The following HEXB variants were observed in gnomAD, a reference collection of about 807,000 sequenced individuals.
HEXB encodes the protein hexosaminidase subunit beta.
In HEXB, 51 loss-of-function variants were observed where a neutral mutation model predicts 71.2. The ratio of observed to expected loss-of-function variants is 0.72; its 90% confidence interval spans 0.57 to 0.90. The LOEUF (loss-of-function observed/expected upper bound fraction) is 0.90, where lower values mean the gene tolerates loss of function less well. Among genes scored for constraint, HEXB ranks in the 40% least tolerant of loss-of-function variants. The pLI is 0.00. For missense variants in HEXB, 617 were observed against 677.0 expected, an observed-to-expected ratio of 0.91 and a Z score of 0.98; for synonymous variants, 266 against 249.3, an observed-to-expected ratio of 1.07 and a Z score of -0.63.
At chr5:74,650,800 C>G (rs1414384578) in intron 1 of HEXB, among the ~76,000 whole-genome samples, 1 of 151,380 alleles carries the variant, frequency 6.6e-6, no homozygotes, top group Non-Finnish European at 1.5e-5. Context: ...GTGGTGGGCA[C>G]CTGTAGTCCC....
chr5:74,682,606 T>C (rs937246294), upstream of HEXB, among the ~76,000 whole-genome samples: 2 of 152,212 alleles, frequency 1.3e-5, no homozygotes, highest in Non-Finnish European at 2.9e-5. Flanking sequence ...CAATGTGAAG[T>C]TGTAATTAAG....
At chr5:74,690,121 C>A (rs1748964100) in intron 2 of HEXB, among the ~76,000 whole-genome samples, 1 of 152,122 alleles carries the variant, frequency 6.6e-6, no homozygotes, top group Admixed American at 6.5e-5. Context: ...CATTTGTAAT[C>A]TGCTGTACAA....
intron 1 of HEXB, among the ~76,000 whole-genome samples, chr5:74,648,653 G>A (rs767379684): frequency 6.6e-6 from 1 of 152,118 alleles, no homozygotes; most frequent in Non-Finnish European, 1.5e-5. Flanking sequence ...GAACACCTAG[G>A]TACATTCTAA....
At chr5:74,654,739 A>G (rs1194364470) in intron 1 of HEXB, among the ~76,000 whole-genome samples, 2 of 152,188 alleles carry the variant, frequency 1.3e-5, no homozygotes, top group Non-Finnish European at 2.9e-5. Context: ...CTAGAAAGAC[A>G]TAATCGAGTA....
chr5:74,674,863 G>C (rs1248697037), intron 1 of HEXB, among the ~76,000 whole-genome samples: 3 of 152,062 alleles, frequency 2.0e-5, no homozygotes, highest in Non-Finnish European at 4.4e-5. Context: ...ATGACTGATA[G>C]ATTATCTACC....
chr5:74,661,032 TAGAG>T (rs1049440167), intron 1 of HEXB, among the ~76,000 whole-genome samples: 4 of 146,206 alleles, frequency 2.7e-5, no homozygotes, highest in Admixed American at 6.8e-5. Context: ...GAGAGAGAGA[TAGAG>T]AGAGAGAGAG....
Position 74,715,586 on chromosome 5 carries a change from G to C in HEXB, c.978G>C (p.Leu326=), listed in dbSNP as rs138261300. Residue 326 remains leucine (L), a synonymous_variant, in exon 8 of 14, where the codon CTG becomes CTC. Transcript: ENST00000261416. ...LDSFGPINPT[L]NTTYSFLTTF... is the part of the protein sequence containing the mutation. ...CTTTTGGACCTATAAACCCTACTCTGAATACAACATACAGCTTCCTTACTA... is the reference window on the plus strand; with the variant it reads ...CTTTTGGACCTATAAACCCTACTCTCAATACAACATACAGCTTCCTTACTA... 1.9e-4 allele frequency: 304 copies of C among 1,610,368 alleles called. No individual in the cohort carries two copies. Among genetic ancestry groups the C allele is most frequent in the Non-Finnish European group, 2.4e-4 (288 of 1,176,664 alleles).
At chr5:74,649,115 A>G (rs374289824) in intron 1 of HEXB, among the ~76,000 whole-genome samples, 137 of 152,364 alleles carry the variant, frequency 9.0e-4, no homozygotes, top group African/African-American at 3.1e-3. Context: ...TTGCTGTCAT[A>G]GCCCTAAAGT....
chr5:74,642,340 C>G (rs1295543718), intron 1 of HEXB, among the ~76,000 whole-genome samples: 2 of 151,906 alleles, frequency 1.3e-5, no homozygotes, highest in African/African-American at 4.8e-5. Context: ...TCAAGAACCA[C>G]GTATGGAGAG....
intron 3 of HEXB, 126 bp from the exon 4 acceptor site, chr5:74,696,567 T>C (rs1162166546): frequency 1.6e-5 from 10 of 620,684 alleles, no homozygotes; most frequent in Non-Finnish European, 2.9e-5. Flanking sequence ...TTTTAGAGGA[T>C]AGAGGTATAA....
rs35711978 is a variant in HEXB, at chr5:74,689,296, C to T, written c.300-32C>T. On this transcript the variant is annotated intron_variant, in intron 1 of 13. Coordinates refer to ENST00000261416, the MANE Select transcript of HEXB (RefSeq NM_000521.4). ...TTTTAAAAATTTGGCTAAAATCCTT[C>T]TAAAATGTGTTTACATTTATTTCTC... 0.19 allele frequency: 296,188 copies of T among 1,585,054 alleles called. 29,835 individuals carry two copies. The highest frequency in any genetic ancestry group is 0.35 in the African/African-American group (25,743 of 74,212).
chr5:74,651,156 A>G (rs1369652720), intron 1 of HEXB, among the ~76,000 whole-genome samples: 2 of 152,124 alleles, frequency 1.3e-5, no homozygotes, highest in Non-Finnish European at 2.9e-5. Flanking sequence ...TGGGTATTAT[A>G]ATTATTGGGC....
chr5:74,648,897 C>T (rs1580357432), intron 1 of HEXB, among the ~76,000 whole-genome samples: 1 of 152,116 alleles, frequency 6.6e-6, no homozygotes, highest in East Asian at 1.9e-4. Flanking sequence ...CTCAACAAAA[C>T]CAGGAATGGA....
At chr5:74,654,030 G>T (rs1227303432) in intron 1 of HEXB, among the ~76,000 whole-genome samples, 1 of 152,060 alleles carries the variant, frequency 6.6e-6, no homozygotes, top group Non-Finnish European at 1.5e-5. Context: ...GGGGCTCCAG[G>T]TGTAGACAGT....
intron 2 of HEXB, among the ~76,000 whole-genome samples, chr5:74,691,009 C>T (rs1476804101): frequency 6.6e-6 from 1 of 152,124 alleles, no homozygotes; most frequent in Non-Finnish European, 1.5e-5. Flanking sequence ...ATTGGCAATA[C>T]AGATAACAGA....
At chr5:74,675,533 GT>G (rs1415533552) in intron 1 of HEXB, among the ~76,000 whole-genome samples, 5 of 152,172 alleles carry the variant, frequency 3.3e-5, no homozygotes, top group African/African-American at 1.2e-4. Flanking sequence ...AGGCCATTCT[GT>G]GAGGGAGGAG....
intron 4 of HEXB, 63 bp downstream of exon 4, chr5:74,696,802 A>G: frequency 1.1e-6 from 1 of 901,192 alleles, no homozygotes; most frequent in African/African-American, 1.7e-5. Flanking sequence ...AAAAAAATGT[A>G]ACCTGTTTAG....
At chr5:74,715,766 C>G (rs1749658010) in intron 8 of HEXB, 76 bp downstream of exon 8, 1 of 1,071,390 alleles carries the variant, frequency 9.3e-7, no homozygotes, top group Non-Finnish European at 1.4e-6. Context: ...CCTATAATCC[C>G]AGCACTTTGG....
intron 9 of HEXB, among the ~76,000 whole-genome samples, chr5:74,717,076 G>A (rs1253607801): frequency 6.6e-6 from 1 of 152,210 alleles, no homozygotes; most frequent in Non-Finnish European, 1.5e-5. Flanking sequence ...TGTAGTCCCA[G>A]CTACTCGGGC....
Sources: gnomAD v4.1 joint callset for allele counts (sites outside exome capture counted in the v4.1 genomes callset) on GRCh38, gnomAD v4.1.1 for gene constraint, MANE v1.5 for transcripts, NCBI Gene and HGNC (gene_info 2026-07-23, HGNC 2026-07-21) for gene names.